Variants in AGTRAP observed in about 807,000 individuals in gnomAD.
AGTRAP encodes the protein angiotensin II receptor associated protein, also known as type-1 angiotensin II receptor-associated protein.
AGTRAP carries 7 observed loss-of-function variants against 15.2 expected under a neutral mutation model. That is an observed-to-expected ratio of 0.46 (90% confidence interval 0.26 to 0.87). The LOEUF is 0.87. Among genes scored for constraint, AGTRAP ranks in the 40% least tolerant of loss-of-function variants. The pLI is 0.15. For synonymous variants in AGTRAP, 74 were observed against 89.6 expected (o/e 0.83, Z 0.98); for missense variants, 187 against 213.4 (o/e 0.88, Z 0.77).
intron 4 of AGTRAP, among the ~76,000 whole-genome samples, chr1:11,748,930 T>C (rs188826167): frequency 2.0e-4 from 31 of 152,238 alleles, no homozygotes; most frequent in Admixed American, 1.3e-3. Context: ...CTGGGCTGTC[T>C]CCATCCTGAG....
intron 2 of AGTRAP, among the ~76,000 whole-genome samples, chr1:11,747,002 G>A (rs574533546): frequency 4.6e-4 from 70 of 152,286 alleles, no homozygotes; most frequent in African/African-American, 1.5e-3. Context: ...GAGGGCGCCC[G>A]CCGCACAGGG....
intron 1 of AGTRAP, among the ~76,000 whole-genome samples, chr1:11,740,767 A>C (rs1642011852): frequency 6.6e-6 from 1 of 152,208 alleles, no homozygotes; most frequent in African/African-American, 2.4e-5. Flanking sequence ...TAGGCATAGG[A>C]GCGAGAGCAT....
rs1427060169 is a variant in AGTRAP, at chr1:11,745,137, G to A, written c.28-666G>A. Among the ~76,000 whole-genome samples the A allele has an allele frequency of 1.3e-5, 2 of 149,906 alleles. No individual in the cohort carries two copies. Among genetic ancestry groups the A allele is most frequent in the East Asian group, 3.9e-4 (2 of 5,078 alleles). ...CCCAAAATGCTGGGATTACAGGTGT[G>A]ATCCACCGCGCCCAGGCTGGTTGCC... is the stretch of plus-strand genomic sequence containing the variant. On this transcript the variant is annotated intron_variant, in intron 1 of 4. Coordinates refer to ENST00000314340, the MANE Select transcript of AGTRAP (RefSeq NM_020350.5). This position sits in a 1 kb window ranked among gnomAD's most constrained non-coding sequence, Gnocchi z 4.2.
At chr1:11,736,890 C>T (rs1465818810) in intron 1 of AGTRAP, among the ~76,000 whole-genome samples, 1 of 152,116 alleles carries the variant, frequency 6.6e-6, no homozygotes, top group Non-Finnish European at 1.5e-5. Context: ...TGGGTGCCAG[C>T]GGCTGTTCTT....
rs1458761979 is a variant in AGTRAP at position 11,742,164 on chromosome 1, G to GA, written c.28-3636dup. On this transcript the variant is annotated intron_variant, in intron 1 of 4. Transcript: ENST00000314340. ...GTGCACTGGTTTTGGAGGCGAGTTT[G>GA]AAATTTAATTCCAGTTTTGCCACTT... Among the ~76,000 whole-genome samples the GA allele has an allele frequency of 2.6e-5, 4 of 152,374 alleles. No homozygotes were observed. In the East Asian group the frequency reaches 7.7e-4, roughly 29 times the overall value.
At chr1:11,741,431 A>C (rs557013371) in intron 1 of AGTRAP, among the ~76,000 whole-genome samples, 2 of 152,302 alleles carry the variant, frequency 1.3e-5, no homozygotes, top group Admixed American at 1.3e-4. Context: ...TGCTCTGCAC[A>C]CCTCTGACTC....
intron 1 of AGTRAP, among the ~76,000 whole-genome samples, chr1:11,740,789 A>T (rs1432671880): frequency 6.6e-6 from 1 of 152,134 alleles, no homozygotes; most frequent in Non-Finnish European, 1.5e-5. Context: ...GAAAATGAAG[A>T]TCATTTCCAA....
chr1:11,736,254 G>GA lies in AGTRAP; in HGVS notation c.27+20dup. ...CCTGAAGGTGGCGACGGGCTGGGGG[G>GA]AGGGTCCCCTTTGCGGGAGGAAGTG... On this transcript the variant is annotated intron_variant, in intron 1 of 4. Coordinates refer to ENST00000314340, the MANE Select transcript of AGTRAP (RefSeq NM_020350.5). 6.2e-7 allele frequency: 1 copy of GA among 1,605,460 alleles called. No individual in the cohort carries two copies. Among genetic ancestry groups the GA allele is most frequent in the Non-Finnish European group, 8.5e-7 (1 of 1,176,710 alleles).
chr1:11,739,489 T>C (rs1198253572), intron 1 of AGTRAP, among the ~76,000 whole-genome samples: 3 of 152,050 alleles, frequency 2.0e-5, no homozygotes, highest in East Asian at 1.9e-4. Flanking sequence ...GAGGCAGAGG[T>C]TGCAGTGAGC....
At position 11,745,689 on chromosome 1, in the gene AGTRAP, G is replaced by A; in HGVS notation, c.28-114G>A. On this transcript the variant is annotated intron_variant, in intron 1 of 4. Transcript: ENST00000314340. The surrounding 1 kb of genome is among the most constrained non-coding windows in gnomAD (Gnocchi z 4.2). ...GTGCCTTTTCAACAGACATTACTGA[G>A]GCCCTCAGAGGTGCCAGGCGCAGGG... is the stretch of plus-strand genomic sequence containing the variant. The A allele has an allele frequency of 6.4e-6, 7 of 1,094,044 alleles. No individual in the cohort carries two copies. The highest frequency in any genetic ancestry group is 9.8e-6 in the Non-Finnish European group (7 of 711,058). The allele number at this position is 1,094,044 out of a possible 1,614,324, so 67.8% of individuals were successfully genotyped here.
At chr1:11,746,301 T>G in intron 2 of AGTRAP, 1 of 1,256,938 alleles carries the variant, frequency 8.0e-7, no homozygotes, top group East Asian at 2.5e-5. Flanking sequence ...TTAGTCACAC[T>G]TCCCCAAGAT....
At chr1:11,746,240 G>C (rs373818440) in intron 2 of AGTRAP, 1 of 1,582,724 alleles carries the variant, frequency 6.3e-7, no homozygotes, top group East Asian at 2.3e-5. Flanking sequence ...AATGTGAACT[G>C]TAACCATCAT....
chr1:11,748,832 T>C (rs1026574333), intron 4 of AGTRAP, among the ~76,000 whole-genome samples: 5 of 152,064 alleles, frequency 3.3e-5, no homozygotes, highest in Admixed American at 1.3e-4. Context: ...GCCGTGACCT[T>C]CTTCTGCTGT....
Position 11,747,397 on chromosome 1 carries a change from G to A in AGTRAP, c.63-43G>A, listed in dbSNP as rs115781535. ...CGGAGCAGGAGGGAGGTGACCTGCG[G>A]GGTGGTGGCCTCCTGACGGGACTGA... On this transcript the variant is annotated intron_variant, in intron 2 of 4. Transcript: ENST00000314340. 550 of 1,569,828 alleles carry A rather than the reference G, an allele frequency of 3.5e-4. 1 individual carries two copies. In the African/African-American group the frequency reaches 6.5e-3, roughly 19 times the overall value.
intron 3 of AGTRAP, among the ~76,000 whole-genome samples, 162 bp from the exon 4 acceptor site, chr1:11,748,253 G>A (rs1007612598): frequency 3.3e-5 from 5 of 152,224 alleles, no homozygotes; most frequent in African/African-American, 1.2e-4. Flanking sequence ...TGCAGTCTCA[G>A]CCAGCGGCTC....
At chr1:11,743,569 CTTT>C (rs1302181623) in intron 1 of AGTRAP, among the ~76,000 whole-genome samples, 1 of 139,556 alleles carries the variant, frequency 7.2e-6, no homozygotes, top group Admixed American at 7.2e-5. Flanking sequence ...TCTTTCTTTC[CTTT>C]TTTTTTTTTT....
At chr1:11,743,568 C>T (rs12731163) in intron 1 of AGTRAP, among the ~76,000 whole-genome samples, 3,165 of 71,642 alleles carry the variant, frequency 0.044, 148 homozygotes, top group East Asian at 0.19. Context: ...TTCTTTCTTT[C>T]CTTTTTTTTT....
chr1:11,749,600 G>A (rs369346191), intron 4 of AGTRAP, among the ~76,000 whole-genome samples: 4 of 152,224 alleles, frequency 2.6e-5, no homozygotes, highest in African/African-American at 9.6e-5. Context: ...CCCAGCCTCC[G>A]AGGCCATCTG....
chr1:11,738,242 A>G lies in AGTRAP; in HGVS notation c.27+2007A>G, dbSNP rs138811253. ...CCCTCGTTTTGTATATTCCTTGGGC[A>G]AGGGCTGAGTGCCTGCTTCTGCCCA... is the stretch of plus-strand genomic sequence containing the variant. On this transcript the variant is annotated intron_variant, in intron 1 of 4. Transcript: ENST00000314340. Among the ~76,000 whole-genome samples, 125 of 152,244 alleles carry G rather than the reference A, an allele frequency of 8.2e-4. 3 individuals carry two copies. In the East Asian group the frequency reaches 0.024, roughly 29 times the overall value.
Sources: allele counts gnomAD v4.1 joint callset (sites outside exome capture counted in the v4.1 genomes callset), GRCh38; gene constraint gnomAD v4.1.1; non-coding constraint Gnocchi (gnomAD v3.1); transcripts MANE v1.5; gene names NCBI Gene and HGNC (gene_info 2026-07-23, HGNC 2026-07-21).